Variants in MYO16 observed in about 807,000 individuals in gnomAD.
MYO16 encodes the protein myosin XVI.
A neutral mutation model predicts 205.3 loss-of-function variants in MYO16; 94 were observed. The observed-to-expected ratio is 0.46, with a 90% confidence interval of 0.39 to 0.54. The LOEUF is 0.54. MYO16 is among the 20% of genes least tolerant of loss of function. The pLI is 0.00. For missense variants in MYO16, 2,315 were observed against 2,387.5 expected (o/e 0.97, Z 0.63); for synonymous variants, 988 against 954.0 (o/e 1.04, Z -0.66).
At chr13:108,814,988 AT>A (rs1291846737) in intron 7 of MYO16, among the ~76,000 whole-genome samples, 12 of 152,228 alleles carry the variant, frequency 7.9e-5, no homozygotes, top group Non-Finnish European at 1.3e-4. Flanking sequence ...GATAATGAAA[AT>A]AGCAAAGAAT....
intron 9 of MYO16, among the ~76,000 whole-genome samples, 181 bp from the exon 10 acceptor site, chr13:108,844,162 G>GT (rs1460754585): frequency 2.0e-5 from 3 of 152,132 alleles, no homozygotes; most frequent in Non-Finnish European, 4.4e-5. Context: ...GTTGAATAAA[G>GT]TTTGGAATTA....
chr13:109,165,812 C>T (rs2139879341), intron 33 of MYO16, among the ~76,000 whole-genome samples: 1 of 152,274 alleles, frequency 6.6e-6, no homozygotes, highest in South Asian at 2.1e-4. Flanking sequence ...TCAAGTTGTG[C>T]TTCTGACTGC....
intron 34 of MYO16, among the ~76,000 whole-genome samples, chr13:109,185,778 C>A (rs1879661020): frequency 6.6e-6 from 1 of 152,176 alleles, no homozygotes; most frequent in Non-Finnish European, 1.5e-5. Context: ...ATGAAGTTTG[C>A]ACGTAGCCCT....
chr13:109,169,325 T>C (rs555301062), intron 33 of MYO16, among the ~76,000 whole-genome samples: 16 of 152,218 alleles, frequency 1.1e-4, no homozygotes, highest in Admixed American at 4.6e-4. Flanking sequence ...GAAGGAAAGA[T>C]ATGATAGTGA....
intron 1 of MYO16, among the ~76,000 whole-genome samples, chr13:108,623,367 G>A (rs1403843501): frequency 6.6e-6 from 1 of 151,968 alleles, no homozygotes; most frequent in Non-Finnish European, 1.5e-5. Flanking sequence ...TTAAATTTTG[G>A]GAACCTCTCT....
intron 16 of MYO16, among the ~76,000 whole-genome samples, chr13:108,926,680 T>A (rs1265099888): frequency 6.6e-6 from 1 of 152,128 alleles, no homozygotes; most frequent in Non-Finnish European, 1.5e-5. Flanking sequence ...AGTGATGTTT[T>A]CTCAAGCAGT....
intron 27 of MYO16, among the ~76,000 whole-genome samples, chr13:109,091,112 G>C (rs183954181): frequency 1.3e-5 from 2 of 152,252 alleles, no homozygotes; most frequent in Admixed American, 1.3e-4. Flanking sequence ...ATGAATATAA[G>C]TTCATAGAAT....
At chr13:108,608,043 C>G (rs1487061203) in intron 1 of MYO16, among the ~76,000 whole-genome samples, 1 of 152,178 alleles carries the variant, frequency 6.6e-6, no homozygotes, top group Non-Finnish European at 1.5e-5. Context: ...ATTTTCTCAG[C>G]TAGTTGGGAT....
chr13:109,104,873 C>T (rs940537201), intron 28 of MYO16, among the ~76,000 whole-genome samples: 3 of 152,166 alleles, frequency 2.0e-5, no homozygotes, highest in Non-Finnish European at 4.4e-5. Flanking sequence ...TCACTATCCT[C>T]GACCTTCGTA....
At chr13:109,063,460 G>A (rs1887651836) in intron 27 of MYO16, among the ~76,000 whole-genome samples, 1 of 152,142 alleles carries the variant, frequency 6.6e-6, no homozygotes, top group Admixed American at 6.5e-5. Context: ...GCCTACAGCT[G>A]TGGACTTACT....
intron 1 of MYO16, among the ~76,000 whole-genome samples, chr13:108,630,354 T>A (rs1284127659): frequency 6.6e-6 from 1 of 152,236 alleles, no homozygotes; most frequent in Non-Finnish European, 1.5e-5. Context: ...GACTGTAAAC[T>A]TTTGTCCTTG....
chr13:109,048,980 A>G (rs1286645810), intron 24 of MYO16: 1 of 151,480 alleles, frequency 6.6e-6, no homozygotes, highest in Non-Finnish European at 1.5e-5. Context: ...AAAAAAAAAA[A>G]AAGCCGAACT....
the MYO16 span, among the ~76,000 whole-genome samples, chr13:108,499,982 C>T: frequency 5.3e-5 from 8 of 151,824 alleles, no homozygotes; most frequent in East Asian, 1.9e-4. Flanking sequence ...CCCTCTGCTC[C>T]GGCGGGCCCT....
chr13:108,506,158 C>A, the MYO16 span, among the ~76,000 whole-genome samples: 1 of 151,978 alleles, frequency 6.6e-6, no homozygotes, highest in East Asian at 1.9e-4. Context: ...CTTTGAGATC[C>A]CATATAAATT....
At chr13:108,624,257 G>A (rs944711313) in intron 1 of MYO16, among the ~76,000 whole-genome samples, 2 of 152,148 alleles carry the variant, frequency 1.3e-5, no homozygotes, top group African/African-American at 4.8e-5. Context: ...ATTTCAGCCT[G>A]GTGTCCCAGC....
At chr13:109,102,398 T>C (rs533876977) in intron 28 of MYO16, among the ~76,000 whole-genome samples, 30 of 152,156 alleles carry the variant, frequency 2.0e-4, no homozygotes, top group Non-Finnish European at 3.4e-4. Flanking sequence ...CCACGGATGA[T>C]GTAACACTAA....
intron 27 of MYO16, among the ~76,000 whole-genome samples, chr13:109,085,317 A>T (rs1888405008): frequency 6.6e-6 from 1 of 152,178 alleles, no homozygotes; most frequent in Non-Finnish European, 1.5e-5. Context: ...GATTTAGTTG[A>T]AGTTGTAGAG....
intron 4 of MYO16, among the ~76,000 whole-genome samples, chr13:108,782,267 G>C (rs1238908701): frequency 6.6e-6 from 1 of 152,168 alleles, no homozygotes. Flanking sequence ...ATTGGGAACT[G>C]GAGTGAAGGT....
intron 19 of MYO16, among the ~76,000 whole-genome samples, chr13:108,963,697 C>T (rs1048062248): frequency 6.6e-6 from 1 of 152,218 alleles, no homozygotes; most frequent in African/African-American, 2.4e-5. Context: ...ACCCTTGCCT[C>T]CAGCCACACT....
Sources: gnomAD v4.1 joint callset for allele counts (sites outside exome capture counted in the v4.1 genomes callset) on GRCh38, gnomAD v4.1.1 for gene constraint, MANE v1.5 for transcripts, NCBI Gene and HGNC (gene_info 2026-07-23, HGNC 2026-07-21) for gene names.